The following ZNF443 variants were observed in gnomAD, a reference collection of about 807,000 sequenced individuals.
The protein encoded by ZNF443 is Kruppel-type zinc finger (C2H2).
Under a neutral mutation model 12.0 loss-of-function variants are expected in ZNF443, and 3 were observed. That is an observed-to-expected ratio of 0.25 (90% CI 0.11 to 0.64). ZNF443 has a LOEUF of 0.64. Among genes scored for constraint, ZNF443 ranks in the 30% least tolerant of loss-of-function variants. The pLI, the probability that ZNF443 is intolerant of heterozygous loss-of-function variation, is 0.84. For missense variants in ZNF443, 770 were observed against 808.8 expected (o/e 0.95, Z 0.58); for synonymous variants, 225 against 265.9 (o/e 0.85, Z 1.50).
intron 1 of ZNF443, among the ~76,000 whole-genome samples, chr19:12,436,042 T>A (rs1970304559): frequency 1.3e-5 from 2 of 151,628 alleles, no homozygotes; most frequent in Admixed American, 1.3e-4. Flanking sequence ...AGATAAGCCA[T>A]CTCTGAGAAA....
chr19:12,431,723 A>G lies in ZNF443; in HGVS notation c.449T>C (p.Phe150Ser), dbSNP rs755193491. The change falls in exon 4 of 4, where the codon TTC becomes TCC. Residue 150 changes from phenylalanine (F) to serine (S), a missense_variant. By Grantham distance (155) the Phe-to-Ser change is radical. This residue lies in a region of ZNF443 where 736 missense variants were observed against 689.4 expected (regional missense o/e 1.07). Transcript: ENST00000301547. The stretch of plus-strand genomic sequence containing the variant: ...TGTTTGAAATGAGTTGTGGTAACTG[A>G]AGGCTTTCCCACGTTGTTTATGCGT... ...PDTHKQRGKA[F>S]SYHNSFQTHE... 7.2e-5 allele frequency: 117 copies of G among 1,614,036 alleles called. No individual in the cohort carries two copies. The highest frequency in any genetic ancestry group is 9.5e-5 in the Non-Finnish European group (112 of 1,180,012).
rs1165172914 is a variant in ZNF443, at chr19:12,430,043, T to C, written c.*113A>G. ...GAAAGAAACTGAAACTACTTAAGGC[T>C]TTACCAAGTGCTTACATTCACAGGG... On this transcript the variant is annotated 3_prime_UTR_variant, in exon 4 of 4. Transcript: ENST00000301547. 6.3e-7 allele frequency: 1 copy of C among 1,579,724 alleles called. No individual in the cohort carries two copies. Among genetic ancestry groups the C allele is most frequent in the East Asian group, 2.2e-5 (1 of 44,696 alleles).
chr19:12,440,885 C>T, intron 1 of ZNF443, 27 bp downstream of exon 1: 1 of 1,614,074 alleles, frequency 6.2e-7, no homozygotes. Flanking sequence ...CCTCCCCCGC[C>T]TCGGGACGCC....
intron 1 of ZNF443, among the ~76,000 whole-genome samples, chr19:12,436,337 G>A (rs1970308313): frequency 1.3e-5 from 2 of 149,834 alleles, no homozygotes; most frequent in South Asian, 4.3e-4. Context: ...AAAATTAGCT[G>A]GGCATGGTGG....
intron 1 of ZNF443, among the ~76,000 whole-genome samples, chr19:12,438,135 G>A (rs1970332437): frequency 6.6e-6 from 1 of 152,062 alleles, no homozygotes; most frequent in East Asian, 1.9e-4. Flanking sequence ...CTGGAGGTGG[G>A]GGCATTGGCC....
Position 12,431,451 on chromosome 19 carries a change from G to C in ZNF443, c.721C>G (p.Leu241Val). The change falls in exon 4 of 4, where the codon CTA (leucine) becomes GTA (valine). Residue 241 changes from leucine (L) to valine (V), a missense_variant. Around this residue, in one of 3 missense-constraint regions of ZNF443, gnomAD observed 736 missense variants for 689.4 expected, o/e 1.07. Transcript: ENST00000301547. ...SKAFSFYSSYLRHERTHTGEK... is the reference protein window; with the variant it reads ...SKAFSFYSSYVRHERTHTGEK... ...CCAGTATGTGTTCTTTCATGTCTTAGATAGGAACTGTAAAAAGAAAAGGCT... is the reference window on the plus strand; with the variant it reads ...CCAGTATGTGTTCTTTCATGTCTTACATAGGAACTGTAAAAAGAAAAGGCT... 1.2e-6 allele frequency: 2 copies of C among 1,614,006 alleles called. No homozygotes were observed. Among genetic ancestry groups the C allele is most frequent in the East Asian group, 2.2e-5 (1 of 44,876 alleles).
chr19:12,440,067 A>T (rs1270227989), intron 1 of ZNF443, among the ~76,000 whole-genome samples: 1 of 151,984 alleles, frequency 6.6e-6, no homozygotes, highest in African/African-American at 2.4e-5. Context: ...GGAAGAAAGG[A>T]CTGAGGACCA....
chr19:12,437,136 T>C (rs1260794309), intron 1 of ZNF443, among the ~76,000 whole-genome samples: 1 of 152,084 alleles, frequency 6.6e-6, no homozygotes, highest in Non-Finnish European at 1.5e-5. Flanking sequence ...AGCCCTGTAA[T>C]GCCAACACTT....
At position 12,430,893 on chromosome 19, in the gene ZNF443, C is replaced by T; in HGVS notation, c.1279G>A (p.Gly427Arg). 1.2e-6 allele frequency: 2 copies of T among 1,613,968 alleles called. No homozygotes were observed. The highest frequency in any genetic ancestry group is 1.7e-6 in the Non-Finnish European group (2 of 1,179,950). The change falls in exon 4 of 4, where the codon GGG becomes AGG. Residue 427 changes from glycine to arginine, a missense_variant. Gly to Arg is a moderately radical substitution (Grantham distance 125, BLOSUM62 -2). Around this residue, in one of 3 missense-constraint regions of ZNF443, gnomAD observed 736 missense variants for 689.4 expected, o/e 1.07. Coordinates refer to ENST00000301547, the MANE Select transcript of ZNF443 (RefSeq NM_005815.5). ...GDGPHKCKVCGKAFVYPSVFQ... is the reference protein window; with the variant it reads ...GDGPHKCKVCRKAFVYPSVFQ... ...ACACTGGGATAAACAAAGGCTTTCCCACATACCTTGCATTTATGAGGTCCA... is the reference window on the plus strand; with the variant it reads ...ACACTGGGATAAACAAAGGCTTTCCTACATACCTTGCATTTATGAGGTCCA...
intron 1 of ZNF443, among the ~76,000 whole-genome samples, chr19:12,437,355 C>T (rs1970322781): frequency 6.7e-6 from 1 of 150,266 alleles, no homozygotes; most frequent in Non-Finnish European, 1.5e-5. Flanking sequence ...TTATAGTTAA[C>T]TATGATTGCT....
rs573661454 is a variant in ZNF443, at chr19:12,432,258, T to C, written c.191+119A>G. 39 of 928,136 alleles carry C rather than the reference T, an allele frequency of 4.2e-5. 1 individual carries two copies. In the South Asian group the frequency reaches 6.1e-4, roughly 15 times the overall value. 57.5% of individuals were successfully genotyped at this position (928,136 alleles called of 1,614,324 possible). On this transcript the variant is annotated intron_variant, in intron 3 of 3. Coordinates refer to ENST00000301547, the MANE Select transcript of ZNF443 (RefSeq NM_005815.5). ...TTTAAGTATATATTTTGGAGAAAAT[T>C]TTCTAAGAATAAATAAATTTAAGCT...
Position 12,430,117 on chromosome 19 carries a change from A to T in ZNF443, c.*39T>A, listed in dbSNP as rs553586517. The T allele has an allele frequency of 1.0e-4, 161 of 1,605,244 alleles. 1 individual carries two copies. In the South Asian group the frequency reaches 1.7e-3, roughly 17 times the overall value. On this transcript the variant is annotated 3_prime_UTR_variant, in exon 4 of 4. Coordinates refer to ENST00000301547, the MANE Select transcript of ZNF443 (RefSeq NM_005815.5). ...AAGTATCTGAAATGAAATAAAATTA[A>T]TAAATGCTTTCCCACATTCCATACA...
Position 12,440,980 on chromosome 19 carries a change from G to T in ZNF443, c.-66C>A. ...CCGCTGCCAATGCGTGTTCCAGCCAGACAAAGGCTGCCTCAGAACTTCCAG... is the reference window on the plus strand; with the variant it reads ...CCGCTGCCAATGCGTGTTCCAGCCATACAAAGGCTGCCTCAGAACTTCCAG... On this transcript the variant is annotated 5_prime_UTR_variant, in exon 1 of 4. The change creates a new upstream start codon in the 5' untranslated region. Transcript: ENST00000301547. The T allele has an allele frequency of 1.9e-6, 3 of 1,612,842 alleles. No homozygotes were observed. The highest frequency in any genetic ancestry group is 2.5e-6 in the Non-Finnish European group (3 of 1,179,160).
intron 1 of ZNF443, among the ~76,000 whole-genome samples, chr19:12,434,459 G>A (rs1440683386): frequency 6.6e-6 from 1 of 152,090 alleles, no homozygotes; most frequent in Non-Finnish European, 1.5e-5. Context: ...AAGGAAAGAA[G>A]GGGAAAGACT....
chr19:12,431,007 C>T lies in ZNF443; in HGVS notation c.1165G>A (p.Gly389Arg). Residue 389 changes from glycine to arginine, a missense_variant, in exon 4 of 4, where the codon GGA becomes AGA. Gly to Arg is a moderately radical substitution (Grantham distance 125). Coordinates refer to ENST00000301547, the MANE Select transcript of ZNF443 (RefSeq NM_005815.5). Reference protein sequence around the residue: ...SLQSHERTHTGEKPYECKQCG... With the variant: ...SLQSHERTHTREKPYECKQCG... Reference sequence around the variant, plus strand: ...TGCTTGCATTCATAGGGTTTCTCTCCAGTGTGAGTTCTTTCATGACTTTGC... The same window carrying T: ...TGCTTGCATTCATAGGGTTTCTCTCTAGTGTGAGTTCTTTCATGACTTTGC... The T allele has an allele frequency of 1.2e-6, 2 of 1,613,944 alleles. No homozygotes were observed. The highest frequency in any genetic ancestry group is 8.5e-7 in the Non-Finnish European group (1 of 1,179,896).
rs575363320 is a variant in ZNF443 at position 12,436,441 on chromosome 19, CT to C, written c.4-3245del. ...GTTGCAGTGAGCCGAGATCGTGCCA[CT>C]GCACTTCAGCCTGGGCAACAAGAGC... On this transcript the variant is annotated intron_variant, in intron 1 of 3. Coordinates refer to ENST00000301547, the MANE Select transcript of ZNF443 (RefSeq NM_005815.5). Among the ~76,000 whole-genome samples, 31 of 151,844 alleles carry C rather than the reference CT, an allele frequency of 2.0e-4. No individual in the cohort carries two copies. In the South Asian group the frequency reaches 6.3e-3, roughly 31 times the overall value.
rs780452544 is a variant in ZNF443, at chr19:12,430,796, C to T, written c.1376G>A (p.Arg459His). The T allele has an allele frequency of 1.2e-5, 20 of 1,613,952 alleles. No individual in the cohort carries two copies. The highest frequency in any genetic ancestry group is 4.0e-5 in the African/African-American group (3 of 74,906). ...ATGCCTTCGAAGGGAACTGGAAATA[C>T]GGTAGGCTTTGCCACATTGTTTACA... ...YKCKQCGKAY[R>H]ISSSLRRHET... The change falls in exon 4 of 4, where the codon CGT (arginine) becomes CAT (histidine). Residue 459 changes from arginine (R) to histidine (H), a missense_variant. Transcript: ENST00000301547.
At chr19:12,437,662 T>TA (rs879924342) in intron 1 of ZNF443, among the ~76,000 whole-genome samples, 18 of 151,830 alleles carry the variant, frequency 1.2e-4, no homozygotes, top group Non-Finnish European at 2.1e-4. Context: ...CAGAGTAGAA[T>TA]AAAAAAAACA....
Position 12,430,230 on chromosome 19 carries a change from G to C in ZNF443, c.1942C>G (p.Pro648Ala). ...HWKKTHTGEN[P>A]YECKECGKAF... Reference sequence around the variant, plus strand: ...TTCCCACATTCCTTACATTCATATGGGTTCTCTCCAGTGTGAGTTTTTTTC... The same window carrying C: ...TTCCCACATTCCTTACATTCATATGCGTTCTCTCCAGTGTGAGTTTTTTTC... Residue 648 changes from proline to alanine, a missense_variant, in exon 4 of 4, where the codon CCA (proline) becomes GCA (alanine). Around this residue, in one of 3 missense-constraint regions of ZNF443, gnomAD observed 30 missense variants for 60.4 expected, o/e 0.50. Transcript: ENST00000301547. The C allele has an allele frequency of 6.2e-7, 1 of 1,613,794 alleles. No individual in the cohort carries two copies. Among genetic ancestry groups the C allele is most frequent in the East Asian group, 2.2e-5 (1 of 44,864 alleles).
Sources: allele counts gnomAD v4.1 joint callset (sites outside exome capture counted in the v4.1 genomes callset), GRCh38; gene constraint gnomAD v4.1.1; regional missense constraint gnomAD v4.1.1; transcripts MANE v1.5; gene names NCBI Gene and HGNC (gene_info 2026-07-23, HGNC 2026-07-21).